FRYL: variants seen among roughly 807,000 people sequenced by gnomAD.
FRYL encodes FRY like transcription coactivator, also known as protein furry homolog-like.
Under a neutral mutation model 351.2 loss-of-function variants are expected in FRYL, and 150 were observed. The observed-to-expected ratio is 0.43, with a 90% CI of 0.37 to 0.49. The LOEUF (loss-of-function observed/expected upper bound fraction) is 0.49, where lower values mean the gene tolerates loss of function less well. Ranked by LOEUF, FRYL falls within the 20% of genes least tolerant of loss-of-function variation. FRYL has a pLI of 0.00. For missense variants in FRYL, 3,036 were observed against 3,619.3 expected (o/e 0.84, Z 4.13); for synonymous variants, 1,153 against 1,257.1 (o/e 0.92, Z 1.75).
intron 59 of FRYL, among the ~76,000 whole-genome samples, chr4:48,508,290 A>G (rs1339540059): frequency 2.0e-5 from 3 of 152,220 alleles, no homozygotes; most frequent in Non-Finnish European, 4.4e-5. Context: ...ATTTCCATTA[A>G]TATACCATCT....
chr4:48,532,417 G>C (rs996771651), intron 49 of FRYL, among the ~76,000 whole-genome samples: 2 of 152,192 alleles, frequency 1.3e-5, no homozygotes, highest in South Asian at 2.1e-4. Context: ...CAGTACTTTG[G>C]GGGGCCAATG....
rs1380707849 is a variant in FRYL, at chr4:48,565,652, C to T, written c.3209G>A (p.Arg1070His). Residue 1070 changes from arginine (R) to histidine (H), a missense_variant, in exon 29 of 64, where the codon CGT (arginine) becomes CAT (histidine). This residue lies in a region of FRYL where 15 missense variants were observed against 41.9 expected (regional missense o/e 0.36). Coordinates refer to ENST00000358350, the MANE Select transcript of FRYL (RefSeq NM_015030.2). ...RRSIFPQQSL[R>H]HSLFMLFSHW... Reference sequence around the variant, plus strand: ...ACTGAACAGCATAAATAGACTGTGACGAAGGCTCTGTTGAGGAAAAATACT... The same window carrying T: ...ACTGAACAGCATAAATAGACTGTGATGAAGGCTCTGTTGAGGAAAAATACT... The T allele has an allele frequency of 4.3e-6, 7 of 1,612,584 alleles. No homozygotes were observed. The highest frequency in any genetic ancestry group is 5.9e-6 in the Non-Finnish European group (7 of 1,179,744).
chr4:48,680,361 G>C (rs1764427098), intron 3 of FRYL, among the ~76,000 whole-genome samples: 1 of 151,316 alleles, frequency 6.6e-6, no homozygotes, highest in African/African-American at 2.4e-5. Flanking sequence ...ATGTTTGTTA[G>C]TTACTATATG....
At chr4:48,665,328 G>C (rs984332364) in intron 3 of FRYL, among the ~76,000 whole-genome samples, 37 of 152,170 alleles carry the variant, frequency 2.4e-4, no homozygotes, top group Non-Finnish European at 1.5e-4. Flanking sequence ...ATTTGGCACA[G>C]TGCTAGATGA....
At position 48,567,837 on chromosome 4, in the gene FRYL, A is replaced by T. The variant is rs1737134568; in HGVS notation, c.2997-417T>A. Among the ~76,000 whole-genome samples the T allele has an allele frequency of 6.6e-6, 1 of 152,234 alleles. No homozygotes were observed. Among genetic ancestry groups the T allele is most frequent in the Non-Finnish European group, 1.5e-5 (1 of 68,030 alleles). ...TCATATTGTGCCTTCAGCATAATTA[A>T]ATATCTATTAGTCACTTAGTAACAT... On this transcript the variant is annotated intron_variant, in intron 27 of 63. Transcript: ENST00000358350. The surrounding 1 kb of genome is among the most constrained non-coding windows in gnomAD (Gnocchi z 4.2).
chr4:48,708,915 T>TTGTTTTG (rs1553866673), intron 2 of FRYL, among the ~76,000 whole-genome samples: 3 of 138,920 alleles, frequency 2.2e-5, no homozygotes, highest in Non-Finnish European at 4.6e-5. Context: ...CGTGTGTTTT[T>TTGTTTTG]TTTTTTGTTT....
At chr4:48,749,454 A>G (rs1260043898) in intron 1 of FRYL, among the ~76,000 whole-genome samples, 4 of 152,234 alleles carry the variant, frequency 2.6e-5, no homozygotes, top group Non-Finnish European at 5.9e-5. Flanking sequence ...GGGAGGAACT[A>G]TAAATACCTG....
intron 10 of FRYL, 75 bp downstream of exon 10, chr4:48,606,363 G>A (rs1746839580): frequency 2.2e-6 from 2 of 900,110 alleles, no homozygotes; most frequent in Non-Finnish European, 3.3e-6. Flanking sequence ...CGTGTATTTT[G>A]TTTCTTTTAA....
At chr4:48,632,800 C>T (rs1182549068) in intron 4 of FRYL, among the ~76,000 whole-genome samples, 1 of 152,034 alleles carries the variant, frequency 6.6e-6, no homozygotes, top group Non-Finnish European at 1.5e-5. Flanking sequence ...AGAAACTCAC[C>T]TTCACAGCAA....
chr4:48,537,615 G>A (rs777786698), intron 47 of FRYL, among the ~76,000 whole-genome samples: 40 of 152,160 alleles, frequency 2.6e-4, no homozygotes, highest in Non-Finnish European at 5.4e-4. Flanking sequence ...AAAAGCATAC[G>A]GAGAGGGAAC....
At position 48,578,836 on chromosome 4, in the gene FRYL, C is replaced by T. The variant is rs76338164; in HGVS notation, c.2528+137G>A. ...TATGTCCTTGACAACATTCTTCTCC[C>T]TCCTTAAGACATCAATGCAGTATCA... On this transcript the variant is annotated intron_variant, in intron 23 of 63. Transcript: ENST00000358350. The T allele has an allele frequency of 2.0e-3, 1,386 of 684,206 alleles. 15 individuals are homozygous for T. In the African/African-American group the frequency reaches 0.022, roughly 11 times the overall value. 42.4% of individuals were successfully genotyped at this position (684,206 alleles called of 1,614,324 possible). A position where few individuals can be genotyped will look rare whatever the true frequency, so the allele number is the denominator to read the frequency against.
At chr4:48,695,092 T>G (rs1162771969) in intron 2 of FRYL, among the ~76,000 whole-genome samples, 1 of 152,000 alleles carries the variant, frequency 6.6e-6, no homozygotes, top group African/African-American at 2.4e-5. Context: ...AAACAAAAAA[T>G]TGGCCCACAT....
intron 57 of FRYL, among the ~76,000 whole-genome samples, chr4:48,511,213 C>A (rs1722403029): frequency 6.6e-6 from 1 of 152,002 alleles, no homozygotes; most frequent in Non-Finnish European, 1.5e-5. Context: ...ATGATATATG[C>A]CATTCATCTC....
chr4:48,541,768 A>C (rs763704644), intron 45 of FRYL, among the ~76,000 whole-genome samples: 2 of 152,156 alleles, frequency 1.3e-5, no homozygotes, highest in African/African-American at 2.4e-5. Context: ...CAGGATGCTG[A>C]ATCCTGAATG....
intron 57 of FRYL, among the ~76,000 whole-genome samples, 159 bp downstream of exon 57, chr4:48,512,322 A>G (rs1722646369): frequency 6.6e-6 from 1 of 152,184 alleles, no homozygotes; most frequent in South Asian, 2.1e-4. Context: ...CAGTACCACA[A>G]TGTCACAGTG....
intron 3 of FRYL, among the ~76,000 whole-genome samples, chr4:48,650,889 G>T (rs1757486178): frequency 6.6e-6 from 1 of 152,144 alleles, no homozygotes; most frequent in African/African-American, 2.4e-5. Context: ...AATTTGAGTA[G>T]GCAGAATGGC....
chr4:48,756,622 A>G (rs2109352635), intron 1 of FRYL, among the ~76,000 whole-genome samples: 1 of 152,348 alleles, frequency 6.6e-6, no homozygotes, highest in Non-Finnish European at 1.5e-5. Flanking sequence ...AAATACTTAC[A>G]GTAATTTATA....
intron 1 of FRYL, among the ~76,000 whole-genome samples, chr4:48,778,336 A>T (rs1579008210): frequency 3.3e-5 from 5 of 151,586 alleles, no homozygotes; most frequent in Non-Finnish European, 4.4e-5. Flanking sequence ...GCTTTAATAA[A>T]AAAAAAAAAA....
At chr4:48,696,809 A>C (rs981219533) in intron 2 of FRYL, among the ~76,000 whole-genome samples, 4 of 151,556 alleles carry the variant, frequency 2.6e-5, no homozygotes, top group Admixed American at 6.6e-5. Flanking sequence ...GAAAAAAAAA[A>C]CATAAGCCCA....
Sources: allele counts gnomAD v4.1 joint callset (sites outside exome capture counted in the v4.1 genomes callset), GRCh38; gene constraint gnomAD v4.1.1; regional missense constraint gnomAD v4.1.1; non-coding constraint Gnocchi (gnomAD v3.1); transcripts MANE v1.5; gene names NCBI Gene and HGNC (gene_info 2026-07-23, HGNC 2026-07-21).